The following CCNDBP1 variants were observed in gnomAD, a reference collection of about 807,000 sequenced individuals.
CCNDBP1 encodes cyclin D1 binding protein 1.
A neutral mutation model predicts 46.2 loss-of-function variants in CCNDBP1; 45 were observed. The ratio of observed to expected loss-of-function variants is 0.97; its 90% confidence interval spans 0.77 to 1.25. CCNDBP1 has a LOEUF of 1.25. Ranked by LOEUF, CCNDBP1 falls within the 50% of genes most tolerant of loss-of-function variation. CCNDBP1 has a pLI of 0.00. For synonymous variants in CCNDBP1, 154 were observed against 163.6 expected (o/e 0.94, Z 0.45); for missense variants, 436 against 442.1 (o/e 0.99, Z 0.12).
intron 7 of CCNDBP1, 127 bp from the exon 8 acceptor site, chr15:43,191,268 G>A (rs2041945880): frequency 3.0e-6 from 3 of 986,584 alleles, no homozygotes; most frequent in Non-Finnish European, 4.4e-6. Flanking sequence ...CAACTCTGTA[G>A]CCCTTAGTGA....
rs2041815181 is a variant in CCNDBP1 at position 43,185,892 on chromosome 15, C to T, written c.169+13C>T. 2 of 1,607,938 alleles carry T rather than the reference C, an allele frequency of 1.2e-6. No homozygotes were observed. Among genetic ancestry groups the T allele is most frequent in the South Asian group, 2.2e-5 (2 of 90,476 alleles). On this transcript the variant is annotated intron_variant, in intron 2 of 10. Transcript: ENST00000300213. ...TGGAGAAGACTCAGTGAGTGCGCCT[C>T]CTTCCGGGCTCCCCTTGCCTCAGTT...
Position 43,196,986 on chromosome 15 carries a change from C to A in CCNDBP1, c.*2145C>A. The A allele has an allele frequency of 2.6e-6, 1 of 391,492 alleles. No homozygotes were observed. Among genetic ancestry groups the A allele is most frequent in the East Asian group, 6.1e-5 (1 of 16,432 alleles). The allele number at this position is 391,492 out of a possible 1,614,324, so 24.3% of individuals were successfully genotyped here. A position where few individuals can be genotyped will look rare whatever the true frequency, so the allele number is the denominator to read the frequency against. ...CGCTCTATATGTCCCTCCCCCACCC[C>A]AGAGCTGGCTGTTAAAACGAGGCTG... On this transcript the variant is annotated 3_prime_UTR_variant, in exon 11 of 11. Coordinates refer to ENST00000300213, the MANE Select transcript of CCNDBP1 (RefSeq NM_012142.5).
intron 9 of CCNDBP1, 142 bp from the exon 10 acceptor site, chr15:43,194,273 C>G (rs2042009307): frequency 3.5e-6 from 2 of 578,912 alleles, no homozygotes; most frequent in Admixed American, 3.7e-5. Flanking sequence ...CCACCCTAAC[C>G]TAATCAGCAT....
chr15:43,194,370 T>C (rs374575032), intron 9 of CCNDBP1, 45 bp from the exon 10 acceptor site: 103 of 1,501,434 alleles, frequency 6.9e-5, no homozygotes, highest in South Asian at 6.0e-4. Context: ...ACTCACCTTT[T>C]TATGGTAGGG....
intron 9 of CCNDBP1, chr15:43,193,484 G>A (rs1274442655): frequency 2.0e-5 from 3 of 151,762 alleles, no homozygotes. Context: ...TGTTCATGAA[G>A]TAGCTGGCTG....
chr15:43,187,156 A>G (rs1274081849), intron 3 of CCNDBP1, among the ~76,000 whole-genome samples: 2 of 152,144 alleles, frequency 1.3e-5, no homozygotes, highest in Non-Finnish European at 2.9e-5. Flanking sequence ...TTTGATTTTC[A>G]TAGTCAATTG....
intron 6 of CCNDBP1, 63 bp from the exon 7 acceptor site, chr15:43,190,903 C>T (rs1471398099): frequency 2.4e-6 from 3 of 1,268,562 alleles, no homozygotes; most frequent in African/African-American, 1.5e-5. Context: ...TTGTTCCTTG[C>T]AGTCATAAGA....
chr15:43,189,326 A>G (rs756137689), intron 4 of CCNDBP1, 46 bp downstream of exon 4: 5 of 1,099,718 alleles, frequency 4.5e-6, no homozygotes, highest in African/African-American at 1.8e-5. Context: ...CTTTGCTAAT[A>G]TTGTGGATTA....
chr15:43,185,790 C>T (rs770158546), intron 1 of CCNDBP1, 30 bp from the exon 2 acceptor site: 1 of 1,606,086 alleles, frequency 6.2e-7, no homozygotes, highest in East Asian at 2.2e-5. Context: ...CATTCGCCAC[C>T]GTTCGGCCCC....
At chr15:43,194,309 G>T in intron 9 of CCNDBP1, 106 bp from the exon 10 acceptor site, 3 of 863,940 alleles carry the variant, frequency 3.5e-6, no homozygotes, top group Non-Finnish European at 5.1e-6. Context: ...CTTCCTTCAG[G>T]TCCTTTTTCT....
rs1450790036 is a variant in CCNDBP1 at position 43,185,529 on chromosome 15, G to C, written c.31G>C (p.Val11Leu). The change falls in exon 1 of 11, where the codon GTC becomes CTC. Residue 11 changes from valine (V) to leucine (L), a missense_variant. Physicochemically the swap from Val to Leu is conservative, Grantham distance 32. Transcript: ENST00000300213. ...GAGCGCAACTGCACCTGCAGCCGCA[G>C]TCCCCACCCTGGCTTCGCCTTTGGA... MASATAPAAA[V>L]PTLASPLEQL... The C allele has an allele frequency of 6.3e-7, 1 of 1,597,018 alleles. No individual in the cohort carries two copies. The highest frequency in any genetic ancestry group is 1.7e-5 in the Admixed American group (1 of 58,302).
rs1306589490 is a variant in CCNDBP1 at position 43,190,144 on chromosome 15, A to T, written c.421A>T (p.Thr141Ser). The T allele has an allele frequency of 6.2e-7, 1 of 1,613,734 alleles. No individual in the cohort carries two copies. Among genetic ancestry groups the T allele is most frequent in the African/African-American group, 1.3e-5 (1 of 74,886 alleles). ...QLMEVLSVTP[T>S]QSPENNDLIS... ...CATGGAAGTACTTTCCGTCACTCCAACTCAGAGGTAGTGATGCCACAGTTT... is the reference window on the plus strand; with the variant it reads ...CATGGAAGTACTTTCCGTCACTCCATCTCAGAGGTAGTGATGCCACAGTTT... The change falls in exon 5 of 11, where the codon ACT becomes TCT. Residue 141 changes from threonine to serine, a missense_variant. Coordinates refer to ENST00000300213, the MANE Select transcript of CCNDBP1 (RefSeq NM_012142.5).
intron 3 of CCNDBP1, among the ~76,000 whole-genome samples, chr15:43,187,560 GT>G (rs751257028): frequency 5.6e-4 from 85 of 152,238 alleles, no homozygotes; most frequent in Non-Finnish European, 9.1e-4. Flanking sequence ...GTGAGCCACC[GT>G]GCCTGGCCTA....
intron 6 of CCNDBP1, 33 bp from the exon 7 acceptor site, chr15:43,190,933 C>T: frequency 6.4e-7 from 1 of 1,560,696 alleles, no homozygotes; most frequent in Non-Finnish European, 8.8e-7. Context: ...GATTTCTCCT[C>T]TAATTCTAGT....
chr15:43,194,513 G>A (rs1401601120), intron 10 of CCNDBP1, 52 bp downstream of exon 10: 2 of 1,429,674 alleles, frequency 1.4e-6, no homozygotes, highest in Admixed American at 1.9e-5. Context: ...CGGAACTGCT[G>A]TCCAGACGTT....
rs770480453 is a variant in CCNDBP1 at position 43,194,842 on chromosome 15, C to T, written c.*1C>T. ...CACTCAGAGTGAACTTGAATTATGA[C>T]TTTTCAGGCTCATTTGTACTCTCTT... On this transcript the variant is annotated 3_prime_UTR_variant, in exon 11 of 11. Coordinates refer to ENST00000300213, the MANE Select transcript of CCNDBP1 (RefSeq NM_012142.5). The T allele has an allele frequency of 3.2e-6, 5 of 1,570,586 alleles. No individual in the cohort carries two copies. The highest frequency in any genetic ancestry group is 1.7e-5 in the Admixed American group (1 of 59,884).
At chr15:43,194,046 CTTTTTT>C (rs748207621) in intron 9 of CCNDBP1, 178 of 50,236 alleles carry the variant, frequency 3.5e-3, no homozygotes, top group East Asian at 0.022. Context: ...TCTTAATGCG[CTTTTTT>C]TTTTTTTTTT....
chr15:43,193,332 C>CAAAAAAAAAAAAAAA (rs60206861), intron 9 of CCNDBP1: 1 of 39,130 alleles, frequency 2.6e-5, no homozygotes, highest in Non-Finnish European at 4.1e-5. Flanking sequence ...GACTCTGTCT[C>CAAAAAAAAAAAAAAA]AAAAAAAAAA....
intron 8 of CCNDBP1, among the ~76,000 whole-genome samples, chr15:43,192,514 C>A (rs770038977): frequency 6.6e-6 from 1 of 152,126 alleles, no homozygotes; most frequent in Non-Finnish European, 1.5e-5. Context: ...GATCATGCAC[C>A]CTACTATGAA....
Sources: gnomAD v4.1 joint callset for allele counts (sites outside exome capture counted in the v4.1 genomes callset) on GRCh38, gnomAD v4.1.1 for gene constraint, MANE v1.5 for transcripts, NCBI Gene and HGNC (gene_info 2026-07-23, HGNC 2026-07-21) for gene names.